Variants in UNC45B observed in about 807,000 individuals in gnomAD.
UNC45B encodes the protein unc-45 myosin chaperone B.
In UNC45B, 78 loss-of-function variants were observed where a neutral mutation model predicts 98.7. The observed-to-expected ratio is 0.79, with a 90% CI of 0.66 to 0.95. UNC45B has a LOEUF of 0.95. Ranked by LOEUF, UNC45B falls within the 40% of genes least tolerant of loss-of-function variation. The probability of loss-of-function intolerance (pLI) is 0.00; values close to 1 mark genes in which losing one functional copy is unlikely to be tolerated. For synonymous variants in UNC45B, 462 were observed against 480.4 expected, an observed-to-expected ratio of 0.96 and a Z score of 0.50; for missense variants, 1,225 against 1,184.9, an observed-to-expected ratio of 1.03 and a Z score of -0.50.
chr17:35,148,217 G>C, intron 1 of UNC45B, 47 bp from the exon 2 acceptor site: 1 of 1,608,060 alleles, frequency 6.2e-7, no homozygotes, highest in East Asian at 2.2e-5. Context: ...CCAGCCCTGG[G>C]TCTGCAGTGA....
At chr17:35,176,925 C>G in intron 15 of UNC45B, 92 bp from the exon 16 acceptor site, 1 of 970,318 alleles carries the variant, frequency 1.0e-6, no homozygotes, top group South Asian at 1.5e-5. Flanking sequence ...CTGGACCTCC[C>G]ATGGGACAGA....
At chr17:35,170,043 C>G (rs1207964096) in intron 11 of UNC45B, 71 bp from the exon 12 acceptor site, 6 of 1,601,928 alleles carry the variant, frequency 3.7e-6, no homozygotes, top group Non-Finnish European at 5.1e-6. Flanking sequence ...TGGTTCACCA[C>G]CCTGAAATCG....
chr17:35,185,683 C>G (rs1462577012), intron 19 of UNC45B, among the ~76,000 whole-genome samples: 3 of 152,020 alleles, frequency 2.0e-5, no homozygotes, highest in Non-Finnish European at 4.4e-5. Context: ...GCTCCAGCCT[C>G]CATACTAAGC....
intron 7 of UNC45B, among the ~76,000 whole-genome samples, chr17:35,159,163 A>G (rs2142544558): frequency 6.6e-6 from 1 of 152,302 alleles, no homozygotes; most frequent in East Asian, 1.9e-4. Context: ...GTCAGGGTTC[A>G]GGGTGGCTGG....
At chr17:35,148,520 C>T (rs1278319802) in intron 2 of UNC45B, 89 bp downstream of exon 2, 8 of 1,457,334 alleles carry the variant, frequency 5.5e-6, no homozygotes, top group Non-Finnish European at 7.4e-6. Context: ...AGAAATTGCC[C>T]TTCATCCCAG....
chr17:35,159,241 C>T (rs776767524), intron 7 of UNC45B, 134 bp from the exon 8 acceptor site: 33 of 896,046 alleles, frequency 3.7e-5, no homozygotes, highest in Non-Finnish European at 4.9e-5. Context: ...CAACACTATA[C>T]TCCCCTGGGA....
chr17:35,156,138 T>C (rs1040960240), intron 7 of UNC45B, among the ~76,000 whole-genome samples: 5 of 152,106 alleles, frequency 3.3e-5, no homozygotes, highest in Non-Finnish European at 5.9e-5. Flanking sequence ...ATGAGATACT[T>C]AGAGTAGTCA....
intron 3 of UNC45B, 80 bp downstream of exon 3, chr17:35,149,089 G>A (rs781132827): frequency 9.0e-6 from 14 of 1,547,488 alleles, no homozygotes; most frequent in Admixed American, 6.7e-5. Flanking sequence ...TACCATTTTG[G>A]GGGAAGAAAC....
intron 9 of UNC45B, 76 bp downstream of exon 9, chr17:35,164,242 T>C: frequency 3.4e-6 from 5 of 1,477,610 alleles, no homozygotes; most frequent in Non-Finnish European, 4.5e-6. Context: ...TATCTCAAAA[T>C]TTAGCAGCTC....
chr17:35,175,792 T>C (rs1431650090), intron 14 of UNC45B, among the ~76,000 whole-genome samples, 176 bp from the exon 15 acceptor site: 1 of 152,174 alleles, frequency 6.6e-6, no homozygotes, highest in East Asian at 1.9e-4. Context: ...ATTATTCCCA[T>C]GATGTCATCT....
At chr17:35,148,456 G>A in intron 2 of UNC45B, 25 bp downstream of exon 2, 2 of 1,608,656 alleles carry the variant, frequency 1.2e-6, no homozygotes, top group South Asian at 2.2e-5. Flanking sequence ...AGGGCACAGG[G>A]TGGGAGTGAG....
chr17:35,153,551 C>A (rs2092036487), intron 5 of UNC45B, among the ~76,000 whole-genome samples: 1 of 151,828 alleles, frequency 6.6e-6, no homozygotes, highest in South Asian at 2.1e-4. Flanking sequence ...GAGTGTTTTA[C>A]ATTTGCAAGA....
rs745572525 is a variant in UNC45B, at chr17:35,164,129, C to T, written c.1114C>T (p.Arg372Cys). ...TGATGACCTGCGCTGTGACCCGGAGCGCGATCACTTCCGCAAGATCTGTGA... is the reference window on the plus strand; with the variant it reads ...TGATGACCTGCGCTGTGACCCGGAGTGCGATCACTTCCGCAAGATCTGTGA... The part of the protein sequence containing the change: ...LYDDLRCDPE[R>C]DHFRKICEEY... Residue 372 changes from arginine to cysteine, a missense_variant, in exon 9 of 20, where the codon CGC (arginine) becomes TGC (cysteine). Coordinates refer to ENST00000394570, the MANE Select transcript of UNC45B (RefSeq NM_001267052.2). The T allele has an allele frequency of 1.5e-5, 24 of 1,613,344 alleles. No individual in the cohort carries two copies. The highest frequency in any genetic ancestry group is 6.6e-5 in the South Asian group (6 of 90,994).
In UNC45B at chr17:35,163,897, G is replaced by A. The variant is rs368480078; in HGVS notation, c.980-98G>A. The A allele has an allele frequency of 2.8e-5, 37 of 1,329,562 alleles. No homozygotes were observed. In the East Asian group the frequency reaches 3.2e-4, roughly 12 times the overall value. 82.4% of individuals were successfully genotyped at this position (1,329,562 alleles called of 1,614,324 possible). ...GAACCACATGTTTTCTACAGACAGG[G>A]CTGGAGAGAAGCTGATGATAACAAG... On this transcript the variant is annotated intron_variant, in intron 8 of 19. Transcript: ENST00000394570.
intron 13 of UNC45B, among the ~76,000 whole-genome samples, chr17:35,171,727 C>T (rs1484536559): frequency 6.6e-6 from 1 of 152,200 alleles, no homozygotes; most frequent in Non-Finnish European, 1.5e-5. Flanking sequence ...GGACACTTTG[C>T]AATTTGTGTT....
intron 18 of UNC45B, among the ~76,000 whole-genome samples, chr17:35,181,663 T>G (rs7211120): frequency 0.041 from 6,279 of 151,694 alleles, 290 homozygotes; most frequent in East Asian, 0.2. Context: ...TGGTGGTGGG[T>G]GCTTGTAATC....
chr17:35,171,935 T>C (rs758474968), intron 13 of UNC45B, among the ~76,000 whole-genome samples: 2 of 152,198 alleles, frequency 1.3e-5, no homozygotes, highest in Non-Finnish European at 2.9e-5. Context: ...ATATGATTTG[T>C]GTGTGATTTG....
At chr17:35,148,833 C>T in intron 2 of UNC45B, 140 bp from the exon 3 acceptor site, 1 of 987,080 alleles carries the variant, frequency 1.0e-6, no homozygotes, top group Non-Finnish European at 1.5e-6. Flanking sequence ...TTTGCCATGC[C>T]TGTGAGGAGC....
intron 17 of UNC45B, among the ~76,000 whole-genome samples, chr17:35,178,147 G>A (rs374434782): frequency 3.9e-5 from 6 of 152,096 alleles, no homozygotes; most frequent in Admixed American, 6.6e-5. Flanking sequence ...TGATCTGCCC[G>A]CCTTGGTCTC....
Sources: allele counts gnomAD v4.1 joint callset (sites outside exome capture counted in the v4.1 genomes callset), GRCh38; gene constraint gnomAD v4.1.1; transcripts MANE v1.5; gene names NCBI Gene and HGNC (gene_info 2026-07-23, HGNC 2026-07-21).